The following NIPAL3 variants were observed in gnomAD, a reference collection of about 807,000 sequenced individuals.
NIPAL3 encodes the protein NIPA like domain containing 3, also known as NIPA-like protein 3.
In NIPAL3, 41 loss-of-function variants were observed where a neutral mutation model predicts 47.2. The observed-to-expected ratio is 0.87, with a 90% CI of 0.68 to 1.13. The LOEUF (loss-of-function observed/expected upper bound fraction) is 1.13, where lower values mean the gene tolerates loss of function less well. NIPAL3 is among the 50% of genes most tolerant of loss of function. The pLI is 0.00. For missense variants in NIPAL3, 449 were observed against 530.1 expected, an observed-to-expected ratio of 0.85 and a Z score of 1.50; for synonymous variants, 194 against 209.6, an observed-to-expected ratio of 0.93 and a Z score of 0.64.
At chr1:24,434,133 A>G (rs1049728567) in intron 2 of NIPAL3, among the ~76,000 whole-genome samples, 4 of 152,200 alleles carry the variant, frequency 2.6e-5, no homozygotes, top group African/African-American at 9.6e-5. Flanking sequence ...TAAACTCTCC[A>G]AGTAAAAGGC....
At chr1:24,430,052 ACTTT>A (rs1359004926) in intron 2 of NIPAL3, among the ~76,000 whole-genome samples, 9 of 152,174 alleles carry the variant, frequency 5.9e-5, no homozygotes, top group African/African-American at 1.4e-4. Flanking sequence ...GAAGAATAAG[ACTTT>A]CTTTAAAAAT....
chr1:24,456,210 T>C lies in NIPAL3; in HGVS notation c.710T>C (p.Leu237Pro). The C allele has an allele frequency of 6.2e-7, 1 of 1,614,224 alleles. No homozygotes were observed. Among genetic ancestry groups the C allele is most frequent in the Non-Finnish European group, 8.5e-7 (1 of 1,180,022 alleles). The change falls in exon 8 of 12, where the codon CTT becomes CCT. Residue 237 changes from leucine to proline, a missense_variant. Coordinates refer to ENST00000374399, the MANE Select transcript of NIPAL3 (RefSeq NM_020448.5). Reference sequence around the variant, plus strand: ...TTGTCCATTCAAGGGAACCTGCAGCTTGACTACCCCATCTTCTACGTGATG... The same window carrying C: ...TTGTCCATTCAAGGGAACCTGCAGCCTGACTACCCCATCTTCTACGTGATG... ...LVLSIQGNLQ[L>P]DYPIFYVMFV...
Position 24,449,721 on chromosome 1 carries a change from G to A in NIPAL3, c.540+95G>A, listed in dbSNP as rs1645846345. 6.8e-6 allele frequency: 9 copies of A among 1,315,546 alleles called. No individual in the cohort carries two copies. The South Asian group carries it at 8.4e-5, about 12-fold the overall frequency. 81.5% of individuals were successfully genotyped at this position (1,315,546 alleles called of 1,614,324 possible). A position where few individuals can be genotyped will look rare whatever the true frequency, so the allele number is the denominator to read the frequency against. On this transcript the variant is annotated intron_variant, in intron 6 of 11. Coordinates refer to ENST00000374399, the MANE Select transcript of NIPAL3 (RefSeq NM_020448.5). The surrounding 1 kb of genome is among the most constrained non-coding windows in gnomAD (Gnocchi z 4.5). ...TGAATACCCAGCAATAGGGGATTCC[G>A]TGAGTTGCGGCACATTTTACCAGCA...
chr1:24,442,844 T>C (rs6424095), intron 4 of NIPAL3, among the ~76,000 whole-genome samples: 105,704 of 152,132 alleles, frequency 0.69, 37,646 homozygotes, highest in African/African-American at 0.88. Context: ...GTGGTATGCA[T>C]CTGTGGTCCT....
chr1:24,463,968 G>A, intron 10 of NIPAL3, 58 bp from the exon 11 acceptor site: 2 of 1,439,540 alleles, frequency 1.4e-6, no homozygotes, highest in Non-Finnish European at 1.9e-6. Flanking sequence ...CTGAAAGTGT[G>A]CCTGCCCGAC....
At chr1:24,437,322 G>A (rs759679402) in intron 2 of NIPAL3, among the ~76,000 whole-genome samples, 2 of 152,186 alleles carry the variant, frequency 1.3e-5, no homozygotes, top group Non-Finnish European at 2.9e-5. Context: ...AATTAGTTCT[G>A]TGGTAAGGTT....
chr1:24,420,984 C>T (rs931648184), intron 2 of NIPAL3, among the ~76,000 whole-genome samples: 2 of 152,104 alleles, frequency 1.3e-5, no homozygotes, highest in African/African-American at 2.4e-5. Flanking sequence ...CCTATCAGTG[C>T]AGCATCTGAT....
intron 11 of NIPAL3, chr1:24,465,793 G>C (rs947023320): frequency 9.9e-6 from 5 of 506,356 alleles, no homozygotes; most frequent in Non-Finnish European, 1.6e-5. Flanking sequence ...CCTCTTGCAC[G>C]GTGTCTGGGA....
At chr1:24,438,161 TC>T (rs1645208712) in intron 2 of NIPAL3, among the ~76,000 whole-genome samples, 2 of 152,126 alleles carry the variant, frequency 1.3e-5, no homozygotes, top group Admixed American at 6.5e-5. Context: ...GCTGGGCAGG[TC>T]TCCAGCGAGC....
At chr1:24,447,567 C>CA (rs1645728958) in intron 5 of NIPAL3, among the ~76,000 whole-genome samples, 3 of 151,798 alleles carry the variant, frequency 2.0e-5, no homozygotes, top group African/African-American at 7.3e-5. Flanking sequence ...AAAAAAAAAG[C>CA]AGAACTTTGC....
At chr1:24,430,893 TGTA>T (rs1455059785) in intron 2 of NIPAL3, among the ~76,000 whole-genome samples, 3 of 152,272 alleles carry the variant, frequency 2.0e-5, no homozygotes, top group African/African-American at 7.2e-5. Context: ...ACATTTATTA[TGTA>T]GTATAATGTA....
chr1:24,434,987 A>G (rs903809625), intron 2 of NIPAL3, among the ~76,000 whole-genome samples: 2 of 152,242 alleles, frequency 1.3e-5, no homozygotes, highest in Admixed American at 6.5e-5. Context: ...TGAAGAACTC[A>G]TACTTCTGAT....
At chr1:24,440,269 G>A (rs1260932963) in intron 3 of NIPAL3, 29 bp downstream of exon 3, 2 of 1,529,004 alleles carry the variant, frequency 1.3e-6, no homozygotes, top group Non-Finnish European at 1.8e-6. Flanking sequence ...CACTGTCTGG[G>A]GACAGAGACA....
chr1:24,425,652 C>A (rs933858590), intron 2 of NIPAL3, among the ~76,000 whole-genome samples: 2 of 152,104 alleles, frequency 1.3e-5, no homozygotes, highest in Non-Finnish European at 1.5e-5. Context: ...CCTGTGTGGC[C>A]CAGGCTGAGT....
intron 7 of NIPAL3, among the ~76,000 whole-genome samples, chr1:24,455,544 C>T (rs374793510): frequency 6.6e-5 from 10 of 152,206 alleles, no homozygotes; most frequent in East Asian, 3.9e-4. Context: ...ACCAGCTGGG[C>T]GCGGAGGCTC....
At position 24,449,494 on chromosome 1, in the gene NIPAL3, G is replaced by A. The variant is rs200862899; in HGVS notation, c.408G>A (p.Leu136=). The A allele has an allele frequency of 7.1e-5, 115 of 1,613,544 alleles. No homozygotes were observed. In the Admixed American group the frequency reaches 7.7e-4, roughly 11 times the overall value. The change falls in exon 6 of 12, where the codon TTG becomes TTA. Residue 136 remains leucine, a synonymous_variant. Coordinates refer to ENST00000374399, the MANE Select transcript of NIPAL3 (RefSeq NM_020448.5). The surrounding 1 kb of genome is among the most constrained non-coding windows in gnomAD (Gnocchi z 4.5). Reference sequence around the variant, plus strand: ...TCTTCCCCGCAGGGCGCTACGTCTTGTCCTTTGTTGGCTGCGGTTTGGCTG... The same window carrying A: ...TCTTCCCCGCAGGGCGCTACGTCTTATCCTTTGTTGGCTGCGGTTTGGCTG... ...KPKDFLRRYV[L]SFVGCGLAVV... is the part of the protein sequence containing the mutation.
rs1644037298 is a variant in NIPAL3 at position 24,416,415 on chromosome 1, G to C, written c.-258+511G>C. The stretch of plus-strand genomic sequence containing the variant: ...GCTCACCTCCAGAAGCCAGATCGTC[G>C]GGTGGTGGGAAAGAGCGTGTTTTAT... On this transcript the variant is annotated intron_variant, in intron 1 of 11. Coordinates refer to ENST00000374399, the MANE Select transcript of NIPAL3 (RefSeq NM_020448.5). The surrounding 1 kb of genome is among the most constrained non-coding windows in gnomAD (Gnocchi z 4.8). The C allele has an allele frequency of 1.2e-6, 1 of 836,228 alleles. No homozygotes were observed. The highest frequency in any genetic ancestry group is 1.8e-5 in the African/African-American group (1 of 54,224). 51.8% of individuals were successfully genotyped at this position (836,228 alleles called of 1,614,324 possible). A position where few individuals can be genotyped will look rare whatever the true frequency, so the allele number is the denominator to read the frequency against.
chr1:24,437,037 G>A (rs1326742699), intron 2 of NIPAL3, among the ~76,000 whole-genome samples: 2 of 152,064 alleles, frequency 1.3e-5, no homozygotes, highest in Non-Finnish European at 2.9e-5. Context: ...GGATCATGAG[G>A]TCAGGAGATT....
intron 1 of NIPAL3, 30 bp downstream of exon 1, chr1:24,415,934 G>A: frequency 1.0e-6 from 1 of 983,880 alleles, no homozygotes; most frequent in Non-Finnish European, 1.2e-6. Flanking sequence ...GGGAGGAAGG[G>A]GAATTGAATT....
Sources: gnomAD v4.1 joint callset for allele counts (sites outside exome capture counted in the v4.1 genomes callset) on GRCh38, gnomAD v4.1.1 for gene constraint, Gnocchi (gnomAD v3.1) non-coding constraint, MANE v1.5 for transcripts, NCBI Gene and HGNC (gene_info 2026-07-23, HGNC 2026-07-21) for gene names.